LY75: variants seen among roughly 807,000 people sequenced by gnomAD.
LY75 encodes lymphocyte antigen 75.
In LY75, 185 loss-of-function variants were observed where a neutral mutation model predicts 231.7. The ratio of observed to expected loss-of-function variants is 0.80; its 90% CI spans 0.71 to 0.90. The LOEUF is 0.90. Among genes scored for constraint, LY75 ranks in the 40% least tolerant of loss-of-function variants. LY75 has a pLI of 0.00. For synonymous variants in LY75, 668 were observed against 689.0 expected, an observed-to-expected ratio of 0.97 and a Z score of 0.48; for missense variants, 1,947 against 2,050.2, an observed-to-expected ratio of 0.95 and a Z score of 0.97.
chr2:159,840,587 A>T (rs1371007767), intron 25 of LY75, 142 bp downstream of exon 25: 1 of 1,325,020 alleles, frequency 7.5e-7, no homozygotes, highest in Middle Eastern at 2.6e-4. Flanking sequence ...AAAATTTAAA[A>T]ACCCCGACAT....
At chr2:159,838,245 C>T (rs1168515860) in intron 25 of LY75, among the ~76,000 whole-genome samples, 2 of 152,188 alleles carry the variant, frequency 1.3e-5, no homozygotes, top group Non-Finnish European at 2.9e-5. Context: ...TATTTATTAA[C>T]ATCCTGTCAT....
chr2:159,808,647 A>G, intron 32 of LY75, 76 bp from the exon 33 acceptor site: 1 of 1,561,172 alleles, frequency 6.4e-7, no homozygotes, highest in Non-Finnish European at 8.7e-7. Flanking sequence ...AGCCATTTGA[A>G]AAATACATAT....
At chr2:159,860,566 C>A (rs1307955551) in intron 15 of LY75, among the ~76,000 whole-genome samples, 1 of 152,218 alleles carries the variant, frequency 6.6e-6, no homozygotes, top group East Asian at 1.9e-4. Context: ...CTCTGAATTT[C>A]ATTAGCCTTC....
intron 28 of LY75, among the ~76,000 whole-genome samples, chr2:159,830,550 C>A (rs2556097): frequency 2.0e-5 from 3 of 149,916 alleles, no homozygotes; most frequent in Non-Finnish European, 3.0e-5. Context: ...TCCAAATATT[C>A]GAGCCCATTG....
intron 28 of LY75, among the ~76,000 whole-genome samples, chr2:159,821,095 C>T (rs1560065944): frequency 1.3e-5 from 2 of 152,074 alleles, no homozygotes; most frequent in African/African-American, 2.4e-5. Context: ...GCCTTGGCCT[C>T]CCAAATTGCT....
Position 159,885,277 on chromosome 2 carries a change from A to G in LY75, c.930T>C (p.Pro310=). Residue 310 remains proline (P), a synonymous_variant, in exon 6 of 35, where the codon CCT becomes CCC. Transcript: ENST00000263636. ...TTGCACAGCTGGAGCCACCTATAGT[A>G]GGTGCACTGGGCCTGTCTTAAAAGG... ...LNWDPDRPSA[P]TIGGSSCARM... is the part of the protein sequence containing the mutation. The G allele has an allele frequency of 6.2e-7, 1 of 1,613,282 alleles. No individual in the cohort carries two copies. The highest frequency in any genetic ancestry group is 1.1e-5 in the South Asian group (1 of 90,984).
intron 28 of LY75, among the ~76,000 whole-genome samples, chr2:159,820,591 G>A (rs570029569): frequency 7.9e-5 from 12 of 152,278 alleles, no homozygotes; most frequent in East Asian, 1.9e-4. Flanking sequence ...TACACTGCTC[G>A]TGTGATGGGT....
At position 159,845,922 on chromosome 2, in the gene LY75, T is replaced by C. The variant is rs1043696039; in HGVS notation, c.3151-3548A>G. 2.6e-5 allele frequency among the ~76,000 whole-genome samples: 4 copies of C among 151,800 alleles called. No homozygotes were observed. In the East Asian group the frequency reaches 7.7e-4, roughly 29 times the overall value. ...TATGCATACACACACAGTCCTAATATATGATAAAAGAGGCATCCTATATTG... is the reference window on the plus strand; with the variant it reads ...TATGCATACACACACAGTCCTAATACATGATAAAAGAGGCATCCTATATTG... On this transcript the variant is annotated intron_variant, in intron 23 of 34. Coordinates refer to ENST00000263636, the MANE Select transcript of LY75 (RefSeq NM_002349.4).
intron 13 of LY75, among the ~76,000 whole-genome samples, chr2:159,868,708 AT>A (rs1283465217): frequency 2.0e-5 from 3 of 152,202 alleles, no homozygotes; most frequent in Admixed American, 6.6e-5. Flanking sequence ...TTTCTCACAA[AT>A]ATCTACAACC....
intron 23 of LY75, among the ~76,000 whole-genome samples, chr2:159,844,830 A>G (rs1684154917): frequency 6.8e-6 from 1 of 146,500 alleles, no homozygotes; most frequent in Admixed American, 6.8e-5. Flanking sequence ...TATTTTAGAT[A>G]TGGGGGCACA....
At chr2:159,815,377 T>C (rs951467276) in intron 31 of LY75, 28 bp downstream of exon 31, 2 of 1,568,240 alleles carry the variant, frequency 1.3e-6, no homozygotes, top group Admixed American at 2.1e-5. Context: ...TTTTCATAAA[T>C]GTACTGTTAC....
In LY75 at chr2:159,885,149, A is replaced by T. The variant is rs368565151; in HGVS notation, c.1054+4T>A. Reference sequence around the variant, plus strand: ...CTATTTGTATGAGTATGTGAGAAAGATACCTGTTAACTCCACTGTATTATT... The same window carrying T: ...CTATTTGTATGAGTATGTGAGAAAGTTACCTGTTAACTCCACTGTATTATT... On this transcript the variant is annotated splice_donor_region_variant and intron_variant, in intron 6 of 34. Coordinates refer to ENST00000263636, the MANE Select transcript of LY75 (RefSeq NM_002349.4). 11 of 1,611,894 alleles carry T rather than the reference A, an allele frequency of 6.8e-6. No homozygotes were observed. Among genetic ancestry groups the T allele is most frequent in the East Asian group, 6.7e-5 (3 of 44,844 alleles).
At chr2:159,839,037 C>T (rs1368422870) in intron 25 of LY75, among the ~76,000 whole-genome samples, 2 of 152,162 alleles carry the variant, frequency 1.3e-5, no homozygotes, top group Non-Finnish European at 2.9e-5. Context: ...CTCAAGTGAT[C>T]CACCCACTTT....
intron 27 of LY75, among the ~76,000 whole-genome samples, chr2:159,833,808 G>A (rs943162210): frequency 3.9e-5 from 6 of 152,064 alleles, no homozygotes; most frequent in Non-Finnish European, 5.9e-5. Context: ...TGCTGTTCTC[G>A]TGATAGTAAG....
At chr2:159,821,520 G>A (rs2125834339) in intron 28 of LY75, among the ~76,000 whole-genome samples, 1 of 151,776 alleles carries the variant, frequency 6.6e-6, no homozygotes, top group African/African-American at 2.4e-5. Flanking sequence ...GAAGGCTGAG[G>A]CTGGAGAACT....
chr2:159,877,776 G>A (rs915342567), intron 11 of LY75, among the ~76,000 whole-genome samples: 1 of 152,060 alleles, frequency 6.6e-6, no homozygotes, highest in Admixed American at 6.5e-5. Context: ...GGCTGAGGCA[G>A]AAGAATCACT....
intron 14 of LY75, among the ~76,000 whole-genome samples, chr2:159,863,447 C>T (rs1228096253): frequency 1.3e-5 from 2 of 152,174 alleles, no homozygotes; most frequent in African/African-American, 4.8e-5. Context: ...CTCTTCTCCA[C>T]ATCCTTACCA....
At chr2:159,854,782 CTGGAGAAATTT>C in intron 17 of LY75, 111 bp downstream of exon 17, 1 of 1,429,760 alleles carries the variant, frequency 7.0e-7, no homozygotes, top group South Asian at 1.3e-5. Flanking sequence ...CCTTCCTTGC[CTGGAGAAATTT>C]TGTCTCACTT....
At chr2:159,894,547 G>A (rs953342113) in intron 2 of LY75, among the ~76,000 whole-genome samples, 1 of 152,228 alleles carries the variant, frequency 6.6e-6, no homozygotes. Context: ...CTGAGGGTGG[G>A]TGTGGACTTT....
Sources: allele counts gnomAD v4.1 joint callset (sites outside exome capture counted in the v4.1 genomes callset), GRCh38; gene constraint gnomAD v4.1.1; transcripts MANE v1.5; gene names NCBI Gene and HGNC (gene_info 2026-07-23, HGNC 2026-07-21).